The following ZHX3 variants were observed in gnomAD, a reference collection of about 807,000 sequenced individuals.
ZHX3 encodes the protein zinc fingers and homeoboxes 3.
Under a neutral mutation model 64.5 loss-of-function variants are expected in ZHX3, and 20 were observed. The ratio of observed to expected loss-of-function variants is 0.31; its 90% CI spans 0.22 to 0.45. The LOEUF (loss-of-function observed/expected upper bound fraction) is 0.45, where lower values mean the gene tolerates loss of function less well. Ranked by LOEUF, ZHX3 falls within the 20% of genes least tolerant of loss-of-function variation. The pLI is 1.00. For missense variants in ZHX3, 1,041 were observed against 1,195.8 expected (o/e 0.87, Z 1.91); for synonymous variants, 423 against 461.6 (o/e 0.92, Z 1.07).
chr20:41,255,574 G>A (rs887378806), intron 2 of ZHX3, among the ~76,000 whole-genome samples: 1 of 152,100 alleles, frequency 6.6e-6, no homozygotes, highest in Non-Finnish European at 1.5e-5. Flanking sequence ...TTTATCCACT[G>A]CACTCTTTAT....
rs1428247162 is a variant in ZHX3 at position 41,219,998 on chromosome 20, A to G, written c.-150-14932T>C. Among the ~76,000 whole-genome samples the G allele has an allele frequency of 6.6e-6, 1 of 152,228 alleles. No individual in the cohort carries two copies. Among genetic ancestry groups the G allele is most frequent in the Non-Finnish European group, 1.5e-5 (1 of 68,032 alleles). ...TAACCTTTGTCACTTTAAGCTACTG[A>G]GGTTTTTGGAGTAGCTTGTTACTGC... On this transcript the variant is annotated intron_variant, in intron 2 of 3. Transcript: ENST00000683867. The surrounding 1 kb of genome is among the most constrained non-coding windows in gnomAD (Gnocchi z 5.0).
At chr20:41,240,764 G>C (rs2041330043) in intron 2 of ZHX3, among the ~76,000 whole-genome samples, 1 of 152,142 alleles carries the variant, frequency 6.6e-6, no homozygotes, top group Non-Finnish European at 1.5e-5. Flanking sequence ...AACATGCAAA[G>C]TTTGTCTTTC....
intron 3 of ZHX3, among the ~76,000 whole-genome samples, chr20:41,198,199 T>C (rs1456978808): frequency 6.6e-6 from 1 of 152,048 alleles, no homozygotes; most frequent in Admixed American, 6.5e-5. Context: ...GTTTTCACCA[T>C]GTTGGCCAGG....
At chr20:41,293,790 A>G (rs1388092695) in intron 1 of ZHX3, among the ~76,000 whole-genome samples, 2 of 152,236 alleles carry the variant, frequency 1.3e-5, no homozygotes, top group African/African-American at 4.8e-5. Flanking sequence ...TCATATTCAC[A>G]CATCTGAAAG....
chr20:41,316,452 C>T (rs1420069388), intron 1 of ZHX3, among the ~76,000 whole-genome samples: 3 of 152,066 alleles, frequency 2.0e-5, no homozygotes, highest in Non-Finnish European at 4.4e-5. Flanking sequence ...TGAAATATTG[C>T]AATACTAAGT....
chr20:41,257,425 A>G (rs1009448973), intron 2 of ZHX3, among the ~76,000 whole-genome samples: 2 of 152,156 alleles, frequency 1.3e-5, no homozygotes, highest in African/African-American at 4.8e-5. Flanking sequence ...AAATGAGCCT[A>G]TAGGCAGCAC....
At chr20:41,198,264 G>A (rs2146204508) in intron 3 of ZHX3, among the ~76,000 whole-genome samples, 1 of 152,090 alleles carries the variant, frequency 6.6e-6, no homozygotes, top group South Asian at 2.1e-4. Flanking sequence ...CCAAAGTGCT[G>A]GGATTACAGG....
rs1403955900 is a variant in ZHX3, at chr20:41,195,069, C to A, written c.2860+6988G>T. ...TTCTGGTAACTTTGGGTTTCATTTG[C>A]TCTTTTCTAGTTCTTTAAAGTGTAC... On this transcript the variant is annotated intron_variant, in intron 3 of 3. Coordinates refer to ENST00000683867, the MANE Select transcript of ZHX3 (RefSeq NM_001384317.1). The surrounding 1 kb of genome is among the most constrained non-coding windows in gnomAD (Gnocchi z 4.2). Among the ~76,000 whole-genome samples the A allele has an allele frequency of 6.6e-6, 1 of 152,062 alleles. No individual in the cohort carries two copies.
intron 1 of ZHX3, among the ~76,000 whole-genome samples, chr20:41,291,275 G>A (rs1482941639): frequency 4.6e-5 from 7 of 152,142 alleles, no homozygotes; most frequent in Non-Finnish European, 8.8e-5. Flanking sequence ...TCAGAGAACA[G>A]AAGTCACAAC....
Position 41,203,663 on chromosome 20 carries a change from T to C in ZHX3, c.1254A>G (p.Pro418=), listed in dbSNP as rs147281600. 42 of 1,614,218 alleles carry C rather than the reference T, an allele frequency of 2.6e-5. No individual in the cohort carries two copies. The African/African-American group carries it at 5.1e-4, about 19-fold the overall frequency. ...AALPGHVVGQ[P]EGTGGGLLVT... ...CCAGAAGTCCCCCTCCTGTACCCTCTGGCTGCCCCACAACGTGACCTGGAA... is the reference window on the plus strand; with the variant it reads ...CCAGAAGTCCCCCTCCTGTACCCTCCGGCTGCCCCACAACGTGACCTGGAA... Residue 418 remains proline (P), a synonymous_variant, in exon 3 of 4, where the codon CCA becomes CCG. Transcript: ENST00000683867. The surrounding 1 kb of genome is among the most constrained non-coding windows in gnomAD (Gnocchi z 7.1).
chr20:41,279,969 G>A (rs2043591905), intron 1 of ZHX3, among the ~76,000 whole-genome samples: 1 of 152,182 alleles, frequency 6.6e-6, no homozygotes. Context: ...ATCCTCCAGT[G>A]TTCTCAGAAA....
Position 41,206,613 on chromosome 20 carries a change from G to T in ZHX3, c.-150-1547C>A, listed in dbSNP as rs1412803233. Among the ~76,000 whole-genome samples, 2 of 152,154 alleles carry T rather than the reference G, an allele frequency of 1.3e-5. 1 individual carries two copies. The highest frequency in any genetic ancestry group is 4.1e-4 in the South Asian group (2 of 4,828). The stretch of plus-strand genomic sequence containing the variant: ...AAGTTTAGAGAGAAAAGAGAAAAAA[G>T]AAACGAACAAAGCCTCCAAGAAATA... On this transcript the variant is annotated intron_variant, in intron 2 of 3. Coordinates refer to ENST00000683867, the MANE Select transcript of ZHX3 (RefSeq NM_001384317.1).
In ZHX3 at chr20:41,200,751, C is replaced by T. The variant is rs1388474741; in HGVS notation, c.2860+1306G>A. Among the ~76,000 whole-genome samples the T allele has an allele frequency of 6.6e-6, 1 of 152,142 alleles. No individual in the cohort carries two copies. Among genetic ancestry groups the T allele is most frequent in the East Asian group, 1.9e-4 (1 of 5,190 alleles). On this transcript the variant is annotated intron_variant, in intron 3 of 3. Coordinates refer to ENST00000683867, the MANE Select transcript of ZHX3 (RefSeq NM_001384317.1). This position sits in a 1 kb window ranked among gnomAD's most constrained non-coding sequence, Gnocchi z 4.2. Reference sequence around the variant, plus strand: ...TAATATGAGAAGAACAGGCTTTCTGCAAATGCTAAACAGATGGATGACATG... The same window carrying T: ...TAATATGAGAAGAACAGGCTTTCTGTAAATGCTAAACAGATGGATGACATG...
At chr20:41,310,304 C>T (rs1307167864) in intron 1 of ZHX3, among the ~76,000 whole-genome samples, 1 of 152,194 alleles carries the variant, frequency 6.6e-6, no homozygotes, top group Non-Finnish European at 1.5e-5. Context: ...AGGTTCATTA[C>T]CCACTCTTCT....
chr20:41,294,948 C>T (rs1197413704), intron 1 of ZHX3, among the ~76,000 whole-genome samples: 1 of 152,156 alleles, frequency 6.6e-6, no homozygotes, highest in Admixed American at 6.5e-5. Context: ...CCATGCGCCT[C>T]GGCCTCCCAA....
At position 41,203,651 on chromosome 20, in the gene ZHX3, T is replaced by C; in HGVS notation, c.1266A>G (p.Gly422=). 1 of 1,614,214 alleles carries C rather than the reference T, an allele frequency of 6.2e-7. No homozygotes were observed. Among genetic ancestry groups the C allele is most frequent in the Non-Finnish European group, 8.5e-7 (1 of 1,180,034 alleles). Residue 422 remains glycine (G), a synonymous_variant, in exon 3 of 4, where the codon GGA becomes GGG. Transcript: ENST00000683867. The surrounding 1 kb of genome is among the most constrained non-coding windows in gnomAD (Gnocchi z 7.1). The part of the protein sequence containing the change: ...GHVVGQPEGT[G]GGLLVTQPLM... ...ATGGCTGAGTGACCAGAAGTCCCCC[T>C]CCTGTACCCTCTGGCTGCCCCACAA...
chr20:41,199,042 T>TTA (rs2038002968), intron 3 of ZHX3, among the ~76,000 whole-genome samples: 1 of 152,182 alleles, frequency 6.6e-6, no homozygotes, highest in African/African-American at 2.4e-5. Flanking sequence ...ATTTCAGGGA[T>TTA]TATACTTTTT....
At chr20:41,295,460 C>A (rs931009842) in intron 1 of ZHX3, among the ~76,000 whole-genome samples, 3 of 152,038 alleles carry the variant, frequency 2.0e-5, no homozygotes, top group African/African-American at 4.8e-5. Context: ...TGCATGTGAT[C>A]AAAAAGTAGG....
intron 2 of ZHX3, among the ~76,000 whole-genome samples, chr20:41,256,007 C>G (rs892969867): frequency 6.6e-6 from 1 of 152,144 alleles, no homozygotes; most frequent in Admixed American, 6.5e-5. Flanking sequence ...GCACCAAATG[C>G]TACTTCAAAA....
Sources: allele counts gnomAD v4.1 joint callset (sites outside exome capture counted in the v4.1 genomes callset), GRCh38; gene constraint gnomAD v4.1.1; non-coding constraint Gnocchi (gnomAD v3.1); transcripts MANE v1.5; gene names NCBI Gene and HGNC (gene_info 2026-07-23, HGNC 2026-07-21).